The following CHRNA5 variants were observed in gnomAD, a reference collection of about 807,000 sequenced individuals.
CHRNA5 encodes neuronal acetylcholine receptor subunit alpha-5.
In CHRNA5, 28 loss-of-function variants were observed where a neutral mutation model predicts 41.2. The ratio of observed to expected loss-of-function variants is 0.68; its 90% CI spans 0.50 to 0.93. The LOEUF is 0.93. CHRNA5 is among the 40% of genes least tolerant of loss of function. The pLI is 0.00. For missense variants in CHRNA5, 481 were observed against 581.9 expected (o/e 0.83, Z 1.78); for synonymous variants, 188 against 205.8 (o/e 0.91, Z 0.74).
chr15:78,593,453 T>C, exon 6 of CHRNA5: 1 of 430,846 alleles, frequency 2.3e-6, no homozygotes, highest in Admixed American at 4.1e-5. Context: ...GAGATACATT[T>C]GATCTTGTAA....
chr15:78,579,668 C>T (rs2052892271), intron 1 of CHRNA5, among the ~76,000 whole-genome samples: 2 of 152,170 alleles, frequency 1.3e-5, no homozygotes, highest in Admixed American at 6.5e-5. Context: ...CTTAAACATA[C>T]TGCAGTTCAT....
At chr15:78,590,346 T>G in exon 5 of CHRNA5, 3 of 1,614,204 alleles carry the variant, frequency 1.9e-6, no homozygotes, top group South Asian at 2.2e-5. Context: ...GTATCTGGTA[T>G]TTACCATGAT....
intron 2 of CHRNA5, among the ~76,000 whole-genome samples, chr15:78,585,873 C>T (rs1170100330): frequency 2.0e-5 from 3 of 150,778 alleles, no homozygotes; most frequent in Non-Finnish European, 2.9e-5. Flanking sequence ...CAACCTCTGC[C>T]TCCCGGGTTC....
intron 1 of CHRNA5, among the ~76,000 whole-genome samples, chr15:78,574,847 C>A (rs1250235333): frequency 1.3e-5 from 2 of 151,808 alleles, no homozygotes; most frequent in Non-Finnish European, 2.9e-5. Context: ...GTGGCGAGTG[C>A]CTGTTGTCCC....
In CHRNA5 at chr15:78,588,742, G is replaced by A. The variant is rs1429208026; in HGVS notation, c.413+319G>A. On this transcript the variant is annotated intron_variant, in intron 4 of 5. Coordinates refer to ENST00000299565, the Ensembl canonical transcript of CHRNA5. The surrounding 1 kb of genome is among the most constrained non-coding windows in gnomAD (Gnocchi z 4.1). ...CTAGATTTTTTTGTATGTTTTTTAC[G>A]TCGTTGAGGTCATATTTTATGTTGA... Among the ~76,000 whole-genome samples, 7 of 152,262 alleles carry A rather than the reference G, an allele frequency of 4.6e-5. No individual in the cohort carries two copies. The highest frequency in any genetic ancestry group is 8.8e-5 in the Non-Finnish European group (6 of 68,030).
chr15:78,574,805 C>A (rs1306029269), intron 1 of CHRNA5, among the ~76,000 whole-genome samples: 1 of 151,782 alleles, frequency 6.6e-6, no homozygotes, highest in Non-Finnish European at 1.5e-5. Flanking sequence ...CATGGCAAAA[C>A]CCTGTCTCTA....
intron 1 of CHRNA5, among the ~76,000 whole-genome samples, chr15:78,570,554 G>C (rs1156255116): frequency 6.6e-6 from 1 of 150,956 alleles, no homozygotes; most frequent in African/African-American, 2.4e-5. Flanking sequence ...ACAGGTGTGA[G>C]CCACCACGCC....
At chr15:78,567,554 A>C (rs1019700778) in intron 1 of CHRNA5, among the ~76,000 whole-genome samples, 1 of 152,194 alleles carries the variant, frequency 6.6e-6, no homozygotes, top group Non-Finnish European at 1.5e-5. Context: ...CACTTAGTTA[A>C]TATCTCTCTC....
exon 6 of CHRNA5, chr15:78,593,284 G>A (rs768051249): frequency 6.4e-7 from 1 of 1,565,632 alleles, no homozygotes; most frequent in African/African-American, 1.4e-5. Flanking sequence ...TATACATTTA[G>A]TTAACACACA....
At chr15:78,591,699 T>A (rs1464444085) in intron 5 of CHRNA5, among the ~76,000 whole-genome samples, 1 of 152,212 alleles carries the variant, frequency 6.6e-6, no homozygotes, top group Non-Finnish European at 1.5e-5. Context: ...AGACTTTCCT[T>A]CCTTATTTTA....
In CHRNA5 at chr15:78,589,453, G is replaced by A. The variant is rs1164290665; in HGVS notation, c.414-352G>A. 2.2e-5 allele frequency: 4 copies of A among 184,220 alleles called. 1 individual carries two copies. The highest frequency in any genetic ancestry group is 9.4e-5 in the African/African-American group (4 of 42,506). The allele number at this position is 184,220 out of a possible 1,614,324, so 11.4% of individuals were successfully genotyped here. On this transcript the variant is annotated intron_variant, in intron 4 of 5. Coordinates refer to ENST00000299565, the Ensembl canonical transcript of CHRNA5. ...AGAGCACTGTGGAGGGAGTCTAGGAGTGTGGATTCAGGTTCTGGCTGTATG... is the reference window on the plus strand; with the variant it reads ...AGAGCACTGTGGAGGGAGTCTAGGAATGTGGATTCAGGTTCTGGCTGTATG...
At chr15:78,593,004 T>C (rs561791283) in intron 5 of CHRNA5, 88 bp from the exon 6 acceptor site, 21 of 1,499,186 alleles carry the variant, frequency 1.4e-5, no homozygotes, top group South Asian at 1.2e-4. Flanking sequence ...AGAAATCGAT[T>C]TGGCTTCTAA....
chr15:78,566,345 C>T lies in CHRNA5; in HGVS notation c.106+520C>T, dbSNP rs544787614. On this transcript the variant is annotated intron_variant, in intron 1 of 5. Coordinates refer to ENST00000299565, the Ensembl canonical transcript of CHRNA5. ...TGTGTGTTGTAGCAGGCTAGGCGGC[C>T]AACTTCCCTGGCTTCGGGGCTAATC... Among the ~76,000 whole-genome samples, 20 of 152,322 alleles carry T rather than the reference C, an allele frequency of 1.3e-4. 1 individual carries two copies. The South Asian group carries it at 4.1e-3, about 32-fold the overall frequency.
intron 1 of CHRNA5, among the ~76,000 whole-genome samples, chr15:78,569,432 A>AT (rs202079097): frequency 0.074 from 10,163 of 137,358 alleles, 549 homozygotes; most frequent in African/African-American, 0.14. Context: ...AAATATTGGA[A>AT]TTTTTTTTTT....
At chr15:78,584,054 T>C (rs1366313608) in intron 2 of CHRNA5, among the ~76,000 whole-genome samples, 1 of 152,070 alleles carries the variant, frequency 6.6e-6, no homozygotes, top group Non-Finnish European at 1.5e-5. Context: ...TGGGGAAGGG[T>C]TGCTTCTTGA....
chr15:78,588,336 GATGGAACCCTGATGACT>G lies in CHRNA5; in HGVS notation c.331_347del (p.Asn111TrpfsTer21), dbSNP rs1162763159. On this transcript the variant is annotated frameshift_variant, in exon 4 of 6. Coordinates refer to ENST00000299565, the Ensembl canonical transcript of CHRNA5. LOFTEE classifies it high-confidence loss of function. The surrounding 1 kb of genome is among the most constrained non-coding windows in gnomAD (Gnocchi z 4.1). ...AAGGAATGGATAGATGTAAAATTAA[GATGGAACCCTGATGACT>G]ATGGTGGAATAAAAGTTATACGTGT... 6.3e-7 allele frequency: 1 copy of G among 1,585,642 alleles called. No homozygotes were observed.
chr15:78,574,393 A>G, intron 1 of CHRNA5, among the ~76,000 whole-genome samples: 1 of 151,610 alleles, frequency 6.6e-6, no homozygotes, highest in Non-Finnish European at 1.5e-5. Flanking sequence ...AAAAAAAAAA[A>G]AAAAATCCTC....
At chr15:78,590,592 C>A (rs76766434) in exon 5 of CHRNA5, 1 of 1,614,048 alleles carries the variant, frequency 6.2e-7, no homozygotes, top group Non-Finnish European at 8.5e-7. Flanking sequence ...CGATTCTATT[C>A]GCTACATTAC....
intron 1 of CHRNA5, among the ~76,000 whole-genome samples, chr15:78,570,446 TTTTA>T: frequency 6.9e-6 from 1 of 144,018 alleles, no homozygotes; most frequent in African/African-American, 2.6e-5. Context: ...TTTTTTTTTT[TTTTA>T]GTAAAGACAG....
Sources: gnomAD v4.1 joint callset for allele counts (sites outside exome capture counted in the v4.1 genomes callset) on GRCh38, gnomAD v4.1.1 for gene constraint, Gnocchi (gnomAD v3.1) non-coding constraint, MANE v1.5 for transcripts, NCBI Gene and HGNC (gene_info 2026-07-23, HGNC 2026-07-21) for gene names.